The following GSK3B variants were observed in gnomAD, a reference collection of about 807,000 sequenced individuals.
The protein encoded by GSK3B is glycogen synthase kinase 3 beta.
GSK3B carries 15 observed loss-of-function variants against 56.4 expected under a neutral mutation model. The observed-to-expected ratio is 0.27, with a 90% CI of 0.18 to 0.41. The LOEUF (loss-of-function observed/expected upper bound fraction) is 0.41. GSK3B is among the 10% of genes least tolerant of loss of function. The probability of loss-of-function intolerance (pLI) is 1.00; values close to 1 mark genes in which losing one functional copy is unlikely to be tolerated. For missense variants in GSK3B, 300 were observed against 513.4 expected (o/e 0.58, Z 4.02); for synonymous variants, 181 against 188.9 (o/e 0.96, Z 0.34).
At chr3:120,068,468 A>C (rs1221942332) in intron 1 of GSK3B, among the ~76,000 whole-genome samples, 1 of 151,890 alleles carries the variant, frequency 6.6e-6, no homozygotes, top group Non-Finnish European at 1.5e-5. Context: ...TGGGAGGTCA[A>C]AGAGGGCAGA....
At chr3:119,849,395 A>T (rs1349455568) in intron 9 of GSK3B, among the ~76,000 whole-genome samples, 1 of 152,240 alleles carries the variant, frequency 6.6e-6, no homozygotes, top group Non-Finnish European at 1.5e-5. Context: ...AAATGAAAAC[A>T]TCTCAATAAC....
chr3:119,908,763 G>C (rs2056707239), intron 6 of GSK3B, among the ~76,000 whole-genome samples: 1 of 152,170 alleles, frequency 6.6e-6, no homozygotes, highest in Admixed American at 6.5e-5. Context: ...GACATTTCTA[G>C]ATGTCCCAGA....
At chr3:119,855,944 T>G (rs1451419024) in intron 9 of GSK3B, among the ~76,000 whole-genome samples, 1 of 152,224 alleles carries the variant, frequency 6.6e-6, no homozygotes, top group Non-Finnish European at 1.5e-5. Context: ...AACCTGCACG[T>G]TGTGCACATG....
chr3:120,079,350 AT>A (rs796534214), intron 1 of GSK3B, among the ~76,000 whole-genome samples: 3 of 96,552 alleles, frequency 3.1e-5, no homozygotes, highest in East Asian at 2.8e-4. Flanking sequence ...ACACACACAC[AT>A]TTTTTTTTTT....
chr3:119,841,315 C>T (rs1263632857), intron 10 of GSK3B, among the ~76,000 whole-genome samples: 1 of 152,300 alleles, frequency 6.6e-6, no homozygotes, highest in South Asian at 2.1e-4. Flanking sequence ...ACATAAGTCA[C>T]AATCATTAAT....
At chr3:120,057,457 T>C (rs1039312832) in intron 1 of GSK3B, among the ~76,000 whole-genome samples, 13 of 152,160 alleles carry the variant, frequency 8.5e-5, no homozygotes, top group African/African-American at 3.1e-4. Context: ...TATTCACCTA[T>C]GCATTTCATT....
Position 119,947,254 on chromosome 3 carries a change from T to C in GSK3B, c.366+14A>G, listed in dbSNP as rs777286208. On this transcript the variant is annotated intron_variant, in intron 3 of 10. Transcript: ENST00000264235. ...TTATCACAATATTCAGTACACACTT[T>C]GTGTCAAACCTACCTTCTCACCACT... 1 of 1,383,558 alleles carries C rather than the reference T, an allele frequency of 7.2e-7. No homozygotes were observed. Among genetic ancestry groups the C allele is most frequent in the Non-Finnish European group, 1.0e-6 (1 of 970,106 alleles). The allele number at this position is 1,383,558 out of a possible 1,614,324, so 85.7% of individuals were successfully genotyped here.
chr3:120,075,068 G>A (rs1439273577), intron 1 of GSK3B, among the ~76,000 whole-genome samples: 4 of 152,256 alleles, frequency 2.6e-5, no homozygotes, highest in Admixed American at 1.3e-4. Context: ...ATTTATATGG[G>A]CATCCAAAGC....
chr3:119,981,594 A>G (rs2057463132), intron 2 of GSK3B, among the ~76,000 whole-genome samples: 1 of 152,230 alleles, frequency 6.6e-6, no homozygotes, highest in Admixed American at 6.5e-5. Flanking sequence ...GCTCACTGCT[A>G]GCGCAGTAGT....
rs536851507 is a variant in GSK3B at position 119,918,457 on chromosome 3, G to A, written c.478-2283C>T. On this transcript the variant is annotated intron_variant, in intron 4 of 10. Transcript: ENST00000264235. ...TGCACTCCAGCCTGGGCCACAGAGC[G>A]GAATTCTCTCTCTCTCAAAAAAACA... Among the ~76,000 whole-genome samples the A allele has an allele frequency of 2.4e-4, 37 of 151,378 alleles. No homozygotes were observed. The East Asian group carries it at 6.6e-3, about 27-fold the overall frequency.
At chr3:119,837,966 A>G (rs1404161859) in intron 10 of GSK3B, among the ~76,000 whole-genome samples, 2 of 137,286 alleles carry the variant, frequency 1.5e-5, no homozygotes, top group East Asian at 4.2e-4. Flanking sequence ...ATATATATAT[A>G]TATATTTCAG....
intron 7 of GSK3B, among the ~76,000 whole-genome samples, chr3:119,881,803 G>C (rs569213187): frequency 2.3e-4 from 35 of 152,314 alleles, no homozygotes; most frequent in African/African-American, 8.4e-4. Context: ...GAGGGACCCA[G>C]TGGGAGATAA....
chr3:120,043,921 A>G (rs538660047), intron 1 of GSK3B, among the ~76,000 whole-genome samples: 1 of 152,246 alleles, frequency 6.6e-6, no homozygotes, highest in Non-Finnish European at 1.5e-5. Context: ...GTAGAAGCAG[A>G]TGATCTAAGG....
intron 8 of GSK3B, among the ~76,000 whole-genome samples, chr3:119,875,991 A>G (rs1487361267): frequency 6.6e-6 from 1 of 152,170 alleles, no homozygotes; most frequent in Non-Finnish European, 1.5e-5. Flanking sequence ...GAAAAACACA[A>G]AATGCCATCT....
chr3:119,823,258 AT>A lies in GSK3B; in HGVS notation c.*3529del, dbSNP rs916799619. On this transcript the variant is annotated 3_prime_UTR_variant, in exon 11 of 11. Coordinates refer to ENST00000264235, the MANE Select transcript of GSK3B (RefSeq NM_001146156.2). ...TGGGCACACAGTAAGAATTAAACTG[AT>A]TTTTTTTAAAAGAAATTAAAATGAT... is the stretch of plus-strand genomic sequence containing the variant. The A allele has an allele frequency of 9.1e-5, 20 of 220,490 alleles. No homozygotes were observed. Among genetic ancestry groups the A allele is most frequent in the African/African-American group, 1.1e-4 (5 of 44,600 alleles). The allele number at this position is 220,490 out of a possible 1,614,324, so 13.7% of individuals were successfully genotyped here.
At chr3:120,021,877 A>C (rs1333204460) in intron 1 of GSK3B, among the ~76,000 whole-genome samples, 2 of 152,192 alleles carry the variant, frequency 1.3e-5, no homozygotes, top group Non-Finnish European at 2.9e-5. Context: ...GAGAGGACTG[A>C]TTCCAATTTT....
At chr3:119,854,680 CT>C (rs1415833033) in intron 9 of GSK3B, among the ~76,000 whole-genome samples, 1 of 152,202 alleles carries the variant, frequency 6.6e-6, no homozygotes, top group Non-Finnish European at 1.5e-5. Context: ...TTATCCATTT[CT>C]TCTAGATTTT....
intron 2 of GSK3B, among the ~76,000 whole-genome samples, chr3:120,001,143 T>A (rs1016115673): frequency 4.0e-5 from 3 of 74,336 alleles, no homozygotes; most frequent in Non-Finnish European, 7.7e-5. Flanking sequence ...AGGTATTGGA[T>A]CAAGGGGGTC....
At chr3:120,071,873 G>T (rs181219947) in intron 1 of GSK3B, among the ~76,000 whole-genome samples, 2 of 152,260 alleles carry the variant, frequency 1.3e-5, no homozygotes, top group East Asian at 3.9e-4. Flanking sequence ...TAAGAACCCA[G>T]ATATACTCTT....
Sources: allele counts gnomAD v4.1 joint callset (sites outside exome capture counted in the v4.1 genomes callset), GRCh38; gene constraint gnomAD v4.1.1; transcripts MANE v1.5; gene names NCBI Gene and HGNC (gene_info 2026-07-23, HGNC 2026-07-21).